The following GLMN variants were observed in gnomAD, a reference collection of about 807,000 sequenced individuals.
GLMN encodes glomulin, FKBP associated protein, also known as glomulin.
A neutral mutation model predicts 87.8 loss-of-function variants in GLMN; 75 were observed. That is an observed-to-expected ratio of 0.85 (90% confidence interval 0.71 to 1.04). The LOEUF (loss-of-function observed/expected upper bound fraction) is 1.04. Ranked by LOEUF, GLMN falls within the 50% of genes least tolerant of loss-of-function variation. GLMN has a pLI of 0.00. For missense variants in GLMN, 588 were observed against 658.8 expected, an observed-to-expected ratio of 0.89 and a Z score of 1.18; for synonymous variants, 206 against 221.6, an observed-to-expected ratio of 0.93 and a Z score of 0.63.
At chr1:92,268,788 C>A (rs1340780621) in intron 9 of GLMN, among the ~76,000 whole-genome samples, 1 of 152,012 alleles carries the variant, frequency 6.6e-6, no homozygotes, top group Non-Finnish European at 1.5e-5. Context: ...ATTGCAAAGC[C>A]CTAACTGATC....
chr1:92,345,822 G>A, the GLMN span: 3 of 1,388,968 alleles, frequency 2.2e-6, no homozygotes, highest in Non-Finnish European at 3.1e-6. Context: ...AACACTCCTT[G>A]GATAAATTTT....
rs531050074 is a variant in GLMN, at chr1:92,282,351, G to C, written c.735+4139C>G. 7.9e-5 allele frequency among the ~76,000 whole-genome samples: 12 copies of C among 152,274 alleles called. No homozygotes were observed. The East Asian group carries it at 1.9e-3, about 24-fold the overall frequency. ...AAAACTGCACAACTACATGGAAACT[G>C]AACAACCTGCTCCTGAATGACTACT... is the stretch of plus-strand genomic sequence containing the variant. On this transcript the variant is annotated intron_variant, in intron 7 of 18. Transcript: ENST00000370360.
chr1:92,333,387 T>G, the GLMN span: 1 of 1,609,394 alleles, frequency 6.2e-7, no homozygotes. Flanking sequence ...AAAATGTGAT[T>G]CAGCATGATT....
At chr1:92,320,705 G>A in the GLMN span, 6 of 1,238,240 alleles carry the variant, frequency 4.8e-6, no homozygotes, top group East Asian at 1.4e-4. Flanking sequence ...TGAACCAGGT[G>A]ATATGAGCTC....
the GLMN span, among the ~76,000 whole-genome samples, chr1:92,343,586 T>C: frequency 1.3e-5 from 2 of 152,296 alleles, no homozygotes; most frequent in East Asian, 3.9e-4. Context: ...AAAATTTGAT[T>C]CAGGTATATA....
At chr1:92,299,542 T>C (rs1218262510), upstream of GLMN, among the ~76,000 whole-genome samples, 1 of 152,032 alleles carries the variant, frequency 6.6e-6, no homozygotes, top group Non-Finnish European at 1.5e-5. Flanking sequence ...GGTGCCGGAC[T>C]CCCCTCTTCC....
intron 8 of GLMN, 28 bp downstream of exon 8, chr1:92,271,437 C>T (rs761946150): frequency 8.4e-6 from 13 of 1,549,370 alleles, no homozygotes; most frequent in Non-Finnish European, 1.1e-5. Context: ...TTTTAGAATA[C>T]ATGAATAAAC....
At chr1:92,337,721 T>C in the GLMN span, among the ~76,000 whole-genome samples, 7 of 152,120 alleles carry the variant, frequency 4.6e-5, no homozygotes, top group Non-Finnish European at 1.0e-4. Flanking sequence ...TGGATTATTA[T>C]ATATCTGTTG....
chr1:92,353,963 CT>C, the GLMN span, among the ~76,000 whole-genome samples: 1 of 152,096 alleles, frequency 6.6e-6, no homozygotes, highest in Non-Finnish European at 1.5e-5. Flanking sequence ...TAATGCTACT[CT>C]TTTTTTTATT....
At chr1:92,341,939 G>A in the GLMN span, among the ~76,000 whole-genome samples, 1 of 152,286 alleles carries the variant, frequency 6.6e-6, no homozygotes, top group South Asian at 2.1e-4. Flanking sequence ...CAACACACCT[G>A]GCCAGGAAAG....
chr1:92,351,572 C>G, the GLMN span, among the ~76,000 whole-genome samples: 1 of 152,240 alleles, frequency 6.6e-6, no homozygotes, highest in South Asian at 2.1e-4. Context: ...TACTCCTTCC[C>G]TCTTCCCTTT....
chr1:92,327,684 C>G, the GLMN span, among the ~76,000 whole-genome samples: 4 of 150,050 alleles, frequency 2.7e-5, no homozygotes, highest in East Asian at 7.7e-4. Flanking sequence ...AGGTACTATT[C>G]TATTCATCGT....
Position 92,286,522 on chromosome 1 carries a change from C to T in GLMN, c.703G>A (p.Asp235Asn). 6.3e-7 allele frequency: 1 copy of T among 1,596,652 alleles called. No homozygotes were observed. Among genetic ancestry groups the T allele is most frequent in the Non-Finnish European group, 8.6e-7 (1 of 1,164,292 alleles). Residue 235 changes from aspartate to asparagine, a missense_variant, in exon 7 of 19, where the codon GAT (aspartate) becomes AAT (asparagine). By Grantham distance (23) the Asp-to-Asn change is conservative. Transcript: ENST00000370360. ...FFEQSEEGGN[D>N]PFRYFASEII... Reference sequence around the variant, plus strand: ...TCTGATGCAAAATACCTGAAAGGATCATTTCCACCTTCTTCAGACTGTTCA... The same window carrying T: ...TCTGATGCAAAATACCTGAAAGGATTATTTCCACCTTCTTCAGACTGTTCA...
At chr1:92,295,252 T>C (rs1570986099) in intron 3 of GLMN, among the ~76,000 whole-genome samples, 1 of 115,206 alleles carries the variant, frequency 8.7e-6, no homozygotes, top group Non-Finnish European at 2.3e-5. Context: ...TTTCTTAAAT[T>C]CTTCAAGATG....
intron 7 of GLMN, among the ~76,000 whole-genome samples, chr1:92,281,811 A>G (rs1284929819): frequency 6.6e-5 from 10 of 151,954 alleles, no homozygotes; most frequent in African/African-American, 2.4e-4. Context: ...AAAAAAAAGC[A>G]AGGGTTGCAA....
chr1:92,317,390 C>G, the GLMN span, among the ~76,000 whole-genome samples: 5 of 151,486 alleles, frequency 3.3e-5, no homozygotes, highest in East Asian at 9.7e-4. Flanking sequence ...TGCCTGTAAT[C>G]CCAGCTACTC....
the GLMN span, among the ~76,000 whole-genome samples, chr1:92,306,353 T>C: frequency 6.6e-6 from 1 of 152,210 alleles, no homozygotes; most frequent in Non-Finnish European, 1.5e-5. Flanking sequence ...ATGCTTATGA[T>C]GATAAATTTT....
At position 92,290,194 on chromosome 1, in the gene GLMN, T is replaced by C. The variant is rs1649239650; in HGVS notation, c.394+4A>G. On this transcript the variant is annotated splice_donor_region_variant and intron_variant, in intron 5 of 18. Transcript: ENST00000370360. ...AAGTACTCTGATATCAAAATTCTCATTACCTGTTTGTAATGGCTGAAGCAA... is the reference window on the plus strand; with the variant it reads ...AAGTACTCTGATATCAAAATTCTCACTACCTGTTTGTAATGGCTGAAGCAA... 3 of 1,504,904 alleles carry C rather than the reference T, an allele frequency of 2.0e-6. No individual in the cohort carries two copies. Among genetic ancestry groups the C allele is most frequent in the Admixed American group, 1.7e-5 (1 of 59,882 alleles). The allele number at this position is 1,504,904 out of a possible 1,614,324, so 93.2% of individuals were successfully genotyped here.
the GLMN span, among the ~76,000 whole-genome samples, chr1:92,320,010 A>AG: frequency 6.6e-6 from 1 of 152,106 alleles, no homozygotes; most frequent in Non-Finnish European, 1.5e-5. Context: ...AAAAAAAAAA[A>AG]AAGAAAAAGA....
Sources: allele counts gnomAD v4.1 joint callset (sites outside exome capture counted in the v4.1 genomes callset), GRCh38; gene constraint gnomAD v4.1.1; transcripts MANE v1.5; gene names NCBI Gene and HGNC (gene_info 2026-07-23, HGNC 2026-07-21).